KCNQ3: variants seen among roughly 807,000 people sequenced by gnomAD.
The protein encoded by KCNQ3 is potassium voltage-gated channel subfamily KQT member 3.
In KCNQ3, 30 loss-of-function variants were observed where a neutral mutation model predicts 92.5. The ratio of observed to expected loss-of-function variants is 0.32; its 90% confidence interval spans 0.24 to 0.44. KCNQ3 has a LOEUF of 0.44. Among genes scored for constraint, KCNQ3 ranks in the 20% least tolerant of loss-of-function variants. The pLI, the probability that KCNQ3 is intolerant of heterozygous loss-of-function variation, is 1.00. For missense variants in KCNQ3, 913 were observed against 1,140.3 expected (o/e 0.80, Z 2.87); for synonymous variants, 450 against 468.8 (o/e 0.96, Z 0.52).
At chr8:132,414,426 C>G (rs750740332) in intron 1 of KCNQ3, among the ~76,000 whole-genome samples, 2 of 152,210 alleles carry the variant, frequency 1.3e-5, no homozygotes, top group Non-Finnish European at 2.9e-5. Flanking sequence ...ATGACTTGCT[C>G]GGAGCCCTCG....
chr8:132,200,454 A>T (rs1827425116), intron 1 of KCNQ3, among the ~76,000 whole-genome samples: 1 of 151,456 alleles, frequency 6.6e-6, no homozygotes, highest in African/African-American at 2.5e-5. Context: ...GATGTAAACT[A>T]TGAGCCAAAG....
intron 1 of KCNQ3, among the ~76,000 whole-genome samples, chr8:132,221,673 T>A (rs2130340107): frequency 6.6e-6 from 1 of 152,344 alleles, no homozygotes; most frequent in Admixed American, 6.5e-5. Flanking sequence ...GTTTGTTTTT[T>A]TCTTGTAAAA....
intron 1 of KCNQ3, among the ~76,000 whole-genome samples, chr8:132,411,730 G>A (rs1265968758): frequency 6.6e-6 from 1 of 152,124 alleles, no homozygotes; most frequent in Non-Finnish European, 1.5e-5. Flanking sequence ...GCTGGTCTGG[G>A]ACTGTTGCTG....
intron 1 of KCNQ3, among the ~76,000 whole-genome samples, chr8:132,374,702 A>T (rs1339504957): frequency 6.6e-6 from 1 of 152,030 alleles, no homozygotes; most frequent in Non-Finnish European, 1.5e-5. Context: ...AGTAGGCCCC[A>T]GCGTCTGTTA....
intron 1 of KCNQ3, among the ~76,000 whole-genome samples, chr8:132,460,849 A>G (rs1357876675): frequency 6.6e-6 from 1 of 152,150 alleles, no homozygotes; most frequent in Admixed American, 6.5e-5. Context: ...GAATAATTTC[A>G]CCACCCTAAA....
chr8:132,151,540 A>C (rs1482285581), intron 9 of KCNQ3, among the ~76,000 whole-genome samples: 4 of 152,248 alleles, frequency 2.6e-5, no homozygotes, highest in Admixed American at 1.3e-4. Context: ...TAAATTGAGC[A>C]TTAAAATAAA....
chr8:132,420,184 C>T (rs1820930596), intron 1 of KCNQ3, among the ~76,000 whole-genome samples: 1 of 152,018 alleles, frequency 6.6e-6, no homozygotes, highest in African/African-American at 2.4e-5. Flanking sequence ...CAAGAGAGCA[C>T]TAATCCCATT....
chr8:132,171,975 G>A (rs977526436), intron 7 of KCNQ3, among the ~76,000 whole-genome samples: 1 of 151,128 alleles, frequency 6.6e-6, no homozygotes, highest in Non-Finnish European at 1.5e-5. Context: ...GGGCAACATA[G>A]TAAGACCTCA....
chr8:132,455,713 C>T (rs1388041036), intron 1 of KCNQ3, among the ~76,000 whole-genome samples: 1 of 152,178 alleles, frequency 6.6e-6, no homozygotes, highest in Non-Finnish European at 1.5e-5. Context: ...TCATGTAATC[C>T]TCACCGGCAC....
chr8:132,441,697 T>C (rs951206429), intron 1 of KCNQ3, among the ~76,000 whole-genome samples: 1 of 152,220 alleles, frequency 6.6e-6, no homozygotes, highest in African/African-American at 2.4e-5. Flanking sequence ...GGAATTGCCA[T>C]ACTGCCTTCC....
chr8:132,414,855 T>C (rs1356532617), intron 1 of KCNQ3, among the ~76,000 whole-genome samples: 1 of 151,992 alleles, frequency 6.6e-6, no homozygotes, highest in Non-Finnish European at 1.5e-5. Flanking sequence ...AAAACCGAAA[T>C]ATGTAAATAA....
intron 1 of KCNQ3, among the ~76,000 whole-genome samples, chr8:132,451,661 A>T (rs180982848): frequency 6.6e-6 from 1 of 152,374 alleles, no homozygotes; most frequent in East Asian, 1.9e-4. Flanking sequence ...AAAGGCGTCT[A>T]TTCACACAGG....
intron 1 of KCNQ3, among the ~76,000 whole-genome samples, chr8:132,340,312 A>G (rs1818490127): frequency 6.6e-6 from 1 of 152,208 alleles, no homozygotes; most frequent in East Asian, 1.9e-4. Flanking sequence ...GCATGCACAC[A>G]TATGTTTATT....
intron 9 of KCNQ3, among the ~76,000 whole-genome samples, chr8:132,152,695 G>A (rs565233939): frequency 5.9e-5 from 9 of 152,176 alleles, no homozygotes; most frequent in Non-Finnish European, 8.8e-5. Flanking sequence ...CCTGTGGTCA[G>A]TAAAAAATGT....
intron 11 of KCNQ3, among the ~76,000 whole-genome samples, chr8:132,138,554 G>A (rs1825180527): frequency 6.6e-6 from 1 of 152,138 alleles, no homozygotes; most frequent in Admixed American, 6.5e-5. Flanking sequence ...AAGAAAACCT[G>A]GTTTCTGTTC....
At chr8:132,467,486 T>A (rs1324876464) in intron 1 of KCNQ3, among the ~76,000 whole-genome samples, 1 of 152,078 alleles carries the variant, frequency 6.6e-6, no homozygotes, top group African/African-American at 2.4e-5. Context: ...ATAGGACTCT[T>A]GGTAGAGAAC....
intron 1 of KCNQ3, among the ~76,000 whole-genome samples, chr8:132,284,998 CT>C (rs745581851): frequency 2.6e-5 from 4 of 152,210 alleles, no homozygotes; most frequent in Non-Finnish European, 4.4e-5. Context: ...TCATCTTAGA[CT>C]TCCCAACCTC....
In KCNQ3 at chr8:132,124,822, A is replaced by T. The variant is rs1824611113; in HGVS notation, c.*4440T>A. The T allele has an allele frequency of 1.3e-5, 2 of 152,262 alleles. No individual in the cohort carries two copies. The highest frequency in any genetic ancestry group is 1.3e-4 in the Admixed American group (2 of 15,288). 9.4% of individuals were successfully genotyped at this position (152,262 alleles called of 1,614,324 possible). On this transcript the variant is annotated 3_prime_UTR_variant, in exon 15 of 15. Transcript: ENST00000388996. The stretch of plus-strand genomic sequence containing the variant: ...GAAGAATCTTTGGTTATTCATGAAA[A>T]CCAAATACCAGCTATGTGGCATCTT...
At chr8:132,323,288 T>C (rs1817947581) in intron 1 of KCNQ3, among the ~76,000 whole-genome samples, 3 of 152,124 alleles carry the variant, frequency 2.0e-5, no homozygotes, top group Admixed American at 2.0e-4. Context: ...ATGGGTCCAA[T>C]CCAAGGGGCT....
Sources: allele counts gnomAD v4.1 joint callset (sites outside exome capture counted in the v4.1 genomes callset), GRCh38; gene constraint gnomAD v4.1.1; transcripts MANE v1.5; gene names NCBI Gene and HGNC (gene_info 2026-07-23, HGNC 2026-07-21).